Variants in DLC1 observed in about 807,000 individuals in gnomAD.
DLC1 encodes the protein rho GTPase-activating protein 7.
DLC1 carries 54 observed loss-of-function variants against 140.3 expected under a neutral mutation model. The ratio of observed to expected loss-of-function variants is 0.38; its 90% CI spans 0.31 to 0.48. The LOEUF (loss-of-function observed/expected upper bound fraction) is 0.48. DLC1 is among the 20% of genes least tolerant of loss of function. The pLI, the probability that DLC1 is intolerant of heterozygous loss-of-function variation, is 0.96. For synonymous variants in DLC1, 986 were observed against 728.1 expected (o/e 1.35, Z -5.70); for missense variants, 2,536 against 1,907.0 (o/e 1.33, Z -6.14).
chr8:13,381,577 G>C (rs1305265654), intron 4 of DLC1, among the ~76,000 whole-genome samples: 1 of 152,176 alleles, frequency 6.6e-6, no homozygotes, highest in Admixed American at 6.5e-5. Context: ...CACTCTGGAG[G>C]AACAAAGCTT....
chr8:13,299,880 C>G (rs1832115958), intron 5 of DLC1, among the ~76,000 whole-genome samples: 1 of 152,116 alleles, frequency 6.6e-6, no homozygotes, highest in Non-Finnish European at 1.5e-5. Flanking sequence ...AGTGGCGATT[C>G]CTCAGAGATT....
chr8:13,375,026 G>T (rs1476730655), intron 4 of DLC1, among the ~76,000 whole-genome samples: 2 of 94,250 alleles, frequency 2.1e-5, no homozygotes, highest in Admixed American at 1.3e-4. Flanking sequence ...GAATGCTTGT[G>T]ATTTTTTTTT....
chr8:13,156,914 A>G (rs567530843), intron 5 of DLC1, among the ~76,000 whole-genome samples: 1 of 152,268 alleles, frequency 6.6e-6, no homozygotes, highest in South Asian at 2.1e-4. Context: ...GCCACTGTCT[A>G]TTGCCTTTGT....
chr8:13,277,437 C>A (rs1401927250), intron 5 of DLC1, among the ~76,000 whole-genome samples: 1 of 152,128 alleles, frequency 6.6e-6, no homozygotes, highest in Middle Eastern at 3.2e-3. Context: ...TAGGTTTTGC[C>A]CCTTAAAAAG....
At chr8:13,166,866 G>A (rs1825141937) in intron 5 of DLC1, among the ~76,000 whole-genome samples, 2 of 152,154 alleles carry the variant, frequency 1.3e-5, no homozygotes, top group Admixed American at 1.3e-4. Context: ...GAGTTTAGAG[G>A]ACGCTGGGAA....
chr8:13,173,475 G>T (rs1391569257), intron 5 of DLC1, among the ~76,000 whole-genome samples: 7 of 148,684 alleles, frequency 4.7e-5, no homozygotes, highest in Non-Finnish European at 1.0e-4. Context: ...GTGTTGAAGC[G>T]ATTCTCCTGC....
chr8:13,513,963 G>A (rs930986353), intron 1 of DLC1, among the ~76,000 whole-genome samples: 4 of 151,664 alleles, frequency 2.6e-5, no homozygotes, highest in African/African-American at 4.8e-5. Context: ...ATTCGATTCC[G>A]ACATTTAAAT....
intron 5 of DLC1, among the ~76,000 whole-genome samples, chr8:13,216,007 C>G (rs575943012): frequency 6.6e-6 from 1 of 152,244 alleles, no homozygotes; most frequent in East Asian, 1.9e-4. Context: ...GGTGATTTTT[C>G]TAACTCCATT....
intron 1 of DLC1, among the ~76,000 whole-genome samples, chr8:13,596,915 A>G (rs189268777): frequency 6.6e-6 from 1 of 152,064 alleles, no homozygotes; most frequent in East Asian, 1.9e-4. Context: ...ATGCCTGCGG[A>G]GTGTGGATCA....
At chr8:13,097,678 A>C (rs1818620295) in intron 10 of DLC1, among the ~76,000 whole-genome samples, 1 of 152,160 alleles carries the variant, frequency 6.6e-6, no homozygotes, top group Non-Finnish European at 1.5e-5. Context: ...TCCATCCAAA[A>C]ATACGATCTG....
At chr8:13,413,910 T>A (rs1485496745) in intron 2 of DLC1, among the ~76,000 whole-genome samples, 1 of 152,058 alleles carries the variant, frequency 6.6e-6, no homozygotes, top group Non-Finnish European at 1.5e-5. Flanking sequence ...ACAACATTCA[T>A]CCTTGGGAGC....
intron 5 of DLC1, among the ~76,000 whole-genome samples, chr8:13,226,657 A>G (rs1320560927): frequency 6.6e-6 from 1 of 152,184 alleles, no homozygotes; most frequent in Non-Finnish European, 1.5e-5. Flanking sequence ...AGGGTGATCT[A>G]TGTATGTATG....
chr8:13,459,134 C>G (rs1227813515), intron 2 of DLC1, among the ~76,000 whole-genome samples: 1 of 152,168 alleles, frequency 6.6e-6, no homozygotes, highest in African/African-American at 2.4e-5. Flanking sequence ...TCTAAAAATT[C>G]TCTTGAACTT....
chr8:13,560,989 A>G (rs1306259994), intron 1 of DLC1, among the ~76,000 whole-genome samples: 1 of 152,174 alleles, frequency 6.6e-6, no homozygotes, highest in African/African-American at 2.4e-5. Flanking sequence ...TTAATTAAAA[A>G]AATTGTTGGT....
chr8:13,104,315 A>G (rs1819366755), intron 7 of DLC1, among the ~76,000 whole-genome samples: 1 of 151,246 alleles, frequency 6.6e-6, no homozygotes, highest in African/African-American at 2.4e-5. Context: ...ATTTAAAATT[A>G]GGGAAATTTA....
chr8:13,426,052 A>G (rs1243429017), intron 2 of DLC1, among the ~76,000 whole-genome samples: 1 of 152,166 alleles, frequency 6.6e-6, no homozygotes, highest in Admixed American at 6.5e-5. Context: ...GGTTCAGGCA[A>G]TCCTCCTGCC....
chr8:13,432,723 C>G (rs984765422), intron 2 of DLC1, among the ~76,000 whole-genome samples: 2 of 152,090 alleles, frequency 1.3e-5, no homozygotes, highest in African/African-American at 2.4e-5. Flanking sequence ...TAGGAGATGA[C>G]TAGTGACATT....
intron 2 of DLC1, among the ~76,000 whole-genome samples, chr8:13,405,927 T>TTC (rs1295220899): frequency 8.7e-4 from 112 of 128,956 alleles, no homozygotes; most frequent in Non-Finnish European, 1.6e-3. Flanking sequence ...TTTTCTTTCT[T>TTC]TCTTTCTTTC....
chr8:13,453,075 A>G (rs1799142801), intron 2 of DLC1, among the ~76,000 whole-genome samples: 1 of 151,986 alleles, frequency 6.6e-6, no homozygotes, highest in Non-Finnish European at 1.5e-5. Context: ...TATAGAAGAA[A>G]TGAGAAATAG....
Sources: gnomAD v4.1 joint callset for allele counts (sites outside exome capture counted in the v4.1 genomes callset) on GRCh38, gnomAD v4.1.1 for gene constraint, MANE v1.5 for transcripts, NCBI Gene and HGNC (gene_info 2026-07-23, HGNC 2026-07-21) for gene names.